PROC: variants seen among roughly 807,000 people sequenced by gnomAD.
PROC encodes vitamin K-dependent protein C.
In PROC, 22 loss-of-function variants were observed where a neutral mutation model predicts 36.3. That is an observed-to-expected ratio of 0.61 (90% confidence interval 0.43 to 0.86). The LOEUF (loss-of-function observed/expected upper bound fraction) is 0.86. Among genes scored for constraint, PROC ranks in the 40% least tolerant of loss-of-function variants. The probability of loss-of-function intolerance (pLI) is 0.00; values close to 1 mark genes in which losing one functional copy is unlikely to be tolerated. For synonymous variants in PROC, 218 were observed against 244.5 expected, an observed-to-expected ratio of 0.89 and a Z score of 1.01; for missense variants, 526 against 629.7, an observed-to-expected ratio of 0.84 and a Z score of 1.76.
rs121918156 is a variant in PROC, at chr2:127,427,219, C to T, written c.793C>T (p.Leu265Phe). 2 of 1,612,152 alleles carry T rather than the reference C, an allele frequency of 1.2e-6. No homozygotes were observed. The highest frequency in any genetic ancestry group is 1.7e-6 in the Non-Finnish European group (2 of 1,179,464). Residue 265 changes from leucine (L) to phenylalanine (F), a missense_variant, in exon 8 of 9, where the codon CTT becomes TTT. By Grantham distance (22) the Leu-to-Phe change is conservative. Transcript: ENST00000234071. ...MDESKKLLVR[L>F]GEYDLRRWEK... ...TGAGTCCAAGAAGCTCCTTGTCAGG[C>T]TTGGTATGGGCTGGAGCCAGGCAGA...
rs1688469716 is a variant in PROC at position 127,426,014 on chromosome 2, G to A, written c.536-71G>A. ...TGGCAAAGTGGCCCACAGGCTGGAG[G>A]AGGACCAAGACAGGAGGGCAGTCTC... On this transcript the variant is annotated intron_variant, in intron 6 of 8. Transcript: ENST00000234071. This position sits in a 1 kb window ranked among gnomAD's most constrained non-coding sequence, Gnocchi z 7.0. 1 of 1,602,952 alleles carries A rather than the reference G, an allele frequency of 6.2e-7. No homozygotes were observed. Among genetic ancestry groups the A allele is most frequent in the Non-Finnish European group, 8.5e-7 (1 of 1,171,234 alleles).
intron 6 of PROC, chr2:127,423,742 CG>C: frequency 3.0e-6 from 1 of 337,884 alleles, no homozygotes. Context: ...TGGGGCGAGG[CG>C]TGCAGCGTCC....
Position 127,426,322 on chromosome 2 carries a change from G to A in PROC, c.678+95G>A, listed in dbSNP as rs372736732. 6.5e-7 allele frequency: 1 copy of A among 1,549,522 alleles called. No homozygotes were observed. The highest frequency in any genetic ancestry group is 8.9e-7 in the Non-Finnish European group (1 of 1,126,848). The stretch of plus-strand genomic sequence containing the variant: ...TGCTCAGGGTGCAGAAACCGAGAGG[G>A]AAGCGCTGCCATTGCGTTTGGGGGA... On this transcript the variant is annotated intron_variant, in intron 7 of 8. Transcript: ENST00000234071. This position sits in a 1 kb window ranked among gnomAD's most constrained non-coding sequence, Gnocchi z 7.0.
chr2:127,421,558 G>T, intron 3 of PROC, 109 bp downstream of exon 3: 1 of 1,347,216 alleles, frequency 7.4e-7, no homozygotes, highest in Middle Eastern at 2.1e-4. Context: ...TAGGAGTTGT[G>T]GGGGTGGCTG....
chr2:127,422,882 C>G (rs1688194888), intron 3 of PROC, 35 bp from the exon 4 acceptor site: 1 of 1,550,028 alleles, frequency 6.5e-7, no homozygotes, highest in Non-Finnish European at 8.7e-7. Context: ...CGCACACCGG[C>G]TGCAGGAGCC....
In PROC at chr2:127,428,801, G is replaced by C. The variant is rs768759265; in HGVS notation, c.1241G>C (p.Trp414Ser). 6.9e-5 allele frequency: 112 copies of C among 1,612,158 alleles called. No homozygotes were observed. Among genetic ancestry groups the C allele is most frequent in the Non-Finnish European group, 9.0e-5 (106 of 1,179,038 alleles). ...ATGGTCGCCTCCTTCCACGGCACCTGGTTCCTGGTGGGCCTGGTGAGCTGG... is the reference window on the plus strand; with the variant it reads ...ATGGTCGCCTCCTTCCACGGCACCTCGTTCCTGGTGGGCCTGGTGAGCTGG... Reference protein sequence around the residue: ...GPMVASFHGTWFLVGLVSWGE... With the variant: ...GPMVASFHGTSFLVGLVSWGE... The change falls in exon 9 of 9, where the codon TGG becomes TCG. Residue 414 changes from tryptophan (W) to serine (S), a missense_variant. Physicochemically the swap from Trp to Ser is radical, Grantham distance 177. Coordinates refer to ENST00000234071, the MANE Select transcript of PROC (RefSeq NM_000312.4).
chr2:127,422,946 G>C lies in PROC; in HGVS notation c.262+5G>C, dbSNP rs543240365. 6.3e-7 allele frequency: 1 copy of C among 1,598,688 alleles called. No individual in the cohort carries two copies. The highest frequency in any genetic ancestry group is 1.7e-5 in the Admixed American group (1 of 58,246). ...CCTTCTGGTCCAAGCACGTCGGTGA[G>C]TGCGTTCTAGATCCCCGGCTGGACT... On this transcript the variant is annotated splice_donor_5th_base_variant and intron_variant, in intron 4 of 8. Transcript: ENST00000234071.
intron 3 of PROC, 84 bp from the exon 4 acceptor site, chr2:127,422,833 G>T: frequency 1.3e-6 from 2 of 1,495,638 alleles, no homozygotes; most frequent in Non-Finnish European, 9.0e-7. Flanking sequence ...TCCCCTGCCC[G>T]CTCACCCGCT....
At position 127,421,013 on chromosome 2, in the gene PROC, C is replaced by G. The variant is rs576663389; in HGVS notation, c.71-270C>G. ...CCTTAGAAAGGTAAAGACACTGGCTCAAGGTCACACAGAGATCGGGGTGGG... is the reference window on the plus strand; with the variant it reads ...CCTTAGAAAGGTAAAGACACTGGCTGAAGGTCACACAGAGATCGGGGTGGG... On this transcript the variant is annotated intron_variant, in intron 2 of 8. Coordinates refer to ENST00000234071, the MANE Select transcript of PROC (RefSeq NM_000312.4). Among the ~76,000 whole-genome samples, 180 of 152,156 alleles carry G rather than the reference C, an allele frequency of 1.2e-3. 2 individuals carry two copies. Among genetic ancestry groups the G allele is most frequent in the Non-Finnish European group, 1.6e-3 (107 of 68,030 alleles).
At chr2:127,423,484 CGGG>C in intron 6 of PROC, 76 bp downstream of exon 6, 1 of 1,512,428 alleles carries the variant, frequency 6.6e-7, no homozygotes, top group African/African-American at 1.4e-5. Flanking sequence ...GGGCGCGGCG[CGGG>C]GGGCTCAGGA....
rs1573454237 is a variant in PROC, at chr2:127,426,549, G to A, written c.678+322G>A. On this transcript the variant is annotated intron_variant, in intron 7 of 8. Transcript: ENST00000234071. The surrounding 1 kb of genome is among the most constrained non-coding windows in gnomAD (Gnocchi z 7.0). ...CCTGCTGATGGGAGAGGGCTAGGAGGGAGGGCCGGGCCTGAGTACCCCTCC... is the reference window on the plus strand; with the variant it reads ...CCTGCTGATGGGAGAGGGCTAGGAGAGAGGGCCGGGCCTGAGTACCCCTCC... The A allele has an allele frequency of 4.8e-6, 2 of 419,856 alleles. No individual in the cohort carries two copies. Among genetic ancestry groups the A allele is most frequent in the East Asian group, 1.0e-4 (2 of 19,780 alleles). The allele number at this position is 419,856 out of a possible 1,614,324, so 26.0% of individuals were successfully genotyped here. A position where few individuals can be genotyped will look rare whatever the true frequency, so the allele number is the denominator to read the frequency against.
At chr2:127,424,087 C>T (rs1318085791) in intron 6 of PROC, among the ~76,000 whole-genome samples, 1 of 152,096 alleles carries the variant, frequency 6.6e-6, no homozygotes, top group Admixed American at 6.5e-5. Context: ...CCCTTTACTT[C>T]CTCTATTTTC....
chr2:127,418,486 C>T lies in PROC; in HGVS notation c.-28C>T, dbSNP rs1386216951. 3.9e-6 allele frequency: 5 copies of T among 1,289,678 alleles called. No individual in the cohort carries two copies. Among genetic ancestry groups the T allele is most frequent in the Admixed American group, 2.3e-5 (1 of 43,546 alleles). The allele number at this position is 1,289,678 out of a possible 1,614,324, so 79.9% of individuals were successfully genotyped here. On this transcript the variant is annotated 5_prime_UTR_variant, in exon 1 of 9. Coordinates refer to ENST00000234071, the MANE Select transcript of PROC (RefSeq NM_000312.4). This position sits in a 1 kb window ranked among gnomAD's most constrained non-coding sequence, Gnocchi z 4.8. ...GCGAACTTGCAGTATCTCCACGACCCGCCCCTGTGAGTCCCCCTCCAGGCA... is the reference window on the plus strand; with the variant it reads ...GCGAACTTGCAGTATCTCCACGACCTGCCCCTGTGAGTCCCCCTCCAGGCA...
chr2:127,424,551 A>T (rs1240882960), intron 6 of PROC, among the ~76,000 whole-genome samples: 4 of 152,136 alleles, frequency 2.6e-5, no homozygotes, highest in Non-Finnish European at 4.4e-5. Context: ...GCAGAAAAAA[A>T]TTTTTGGCCA....
rs1189943757 is a variant in PROC, at chr2:127,423,553, C to T, written c.535+145C>T. On this transcript the variant is annotated intron_variant, in intron 6 of 8. Coordinates refer to ENST00000234071, the MANE Select transcript of PROC (RefSeq NM_000312.4). The stretch of plus-strand genomic sequence containing the variant: ...TTGAGCCTTGGGGCAGCGGCAGACG[C>T]GCCCCAACACCGGGGCCACTGTTAG... The T allele has an allele frequency of 3.7e-6, 4 of 1,085,080 alleles. No individual in the cohort carries two copies. In the South Asian group the frequency reaches 7.2e-5, roughly 20 times the overall value. The allele number at this position is 1,085,080 out of a possible 1,614,324, so 67.2% of individuals were successfully genotyped here.
Position 127,421,418 on chromosome 2 carries a change from C to T in PROC, c.206C>T (p.Ala69Val), listed in dbSNP as rs984698204. 1.9e-6 allele frequency: 3 copies of T among 1,613,898 alleles called. No homozygotes were observed. The Admixed American group carries it at 5.0e-5, about 27-fold the overall frequency. ...GAGGAGATCTGTGACTTCGAGGAGGCCAAGGAAATTTTCCAAAATGTGGAT... is the reference window on the plus strand; with the variant it reads ...GAGGAGATCTGTGACTTCGAGGAGGTCAAGGAAATTTTCCAAAATGTGGAT... ...CIEEICDFEE[A>V]KEIFQNVDDT... Residue 69 changes from alanine to valine, a missense_variant, in exon 3 of 9, where the codon GCC becomes GTC. Transcript: ENST00000234071.
intron 1 of PROC, among the ~76,000 whole-genome samples, chr2:127,419,434 A>C (rs370082461): frequency 3.9e-5 from 6 of 152,244 alleles, no homozygotes; most frequent in Admixed American, 2.0e-4. Flanking sequence ...TATTCCATCC[A>C]TTTTACAAAT....
intron 2 of PROC, 50 bp downstream of exon 2, chr2:127,420,062 C>T: frequency 1.3e-6 from 2 of 1,593,742 alleles, no homozygotes. Flanking sequence ...TCTACAAGGC[C>T]CTGGTGGGCA....
chr2:127,423,095 C>T lies in PROC; in HGVS notation c.324C>T (p.His108=), dbSNP rs1688219234. 1 of 1,611,206 alleles carries T rather than the reference C, an allele frequency of 6.2e-7. No homozygotes were observed. The highest frequency in any genetic ancestry group is 8.5e-7 in the Non-Finnish European group (1 of 1,179,086). Residue 108 remains histidine, a synonymous_variant, in exon 5 of 9, where the codon CAC becomes CAT. Coordinates refer to ENST00000234071, the MANE Select transcript of PROC (RefSeq NM_000312.4). ...CGTGCGCCAGCCTGTGCTGCGGGCA[C>T]GGCACGTGCATCGACGGCATCGGCA... The part of the protein sequence containing the change: ...EHPCASLCCG[H]GTCIDGIGSF...
Sources: allele counts gnomAD v4.1 joint callset (sites outside exome capture counted in the v4.1 genomes callset), GRCh38; gene constraint gnomAD v4.1.1; non-coding constraint Gnocchi (gnomAD v3.1); transcripts MANE v1.5; gene names NCBI Gene and HGNC (gene_info 2026-07-23, HGNC 2026-07-21).